RTN4: variants seen among roughly 807,000 people sequenced by gnomAD.
The protein encoded by RTN4 is reticulon 4, also known as reticulon-4.
Under a neutral mutation model 90.4 loss-of-function variants are expected in RTN4, and 32 were observed. The ratio of observed to expected loss-of-function variants is 0.35; its 90% CI spans 0.27 to 0.48. The LOEUF (loss-of-function observed/expected upper bound fraction) is 0.48, where lower values mean the gene tolerates loss of function less well. RTN4 is among the 20% of genes least tolerant of loss of function. The probability of loss-of-function intolerance (pLI) is 0.99; values close to 1 mark genes in which losing one functional copy is unlikely to be tolerated. For missense variants in RTN4, 1,706 were observed against 1,430.2 expected (o/e 1.19, Z -3.11); for synonymous variants, 629 against 552.5 (o/e 1.14, Z -1.94).
the RTN4 span, among the ~76,000 whole-genome samples, chr2:55,131,855 GC>G: frequency 3.9e-5 from 6 of 152,196 alleles, no homozygotes; most frequent in Admixed American, 2.0e-4. Context: ...TTGCACTCCA[GC>G]CTGGGCAACA....
intron 1 of RTN4, among the ~76,000 whole-genome samples, chr2:55,032,043 T>C (rs928315163): frequency 1.3e-5 from 2 of 150,396 alleles, no homozygotes; most frequent in Non-Finnish European, 1.5e-5. Flanking sequence ...TAAGAAAGAA[T>C]AGCAAATATA....
chr2:55,058,788 A>T (rs1668236339), intron 2 of RTN4, among the ~76,000 whole-genome samples: 1 of 152,214 alleles, frequency 6.6e-6, no homozygotes, highest in African/African-American at 2.4e-5. Context: ...GTCACGTGGC[A>T]GCTCTGTTAG....
chr2:55,061,578 T>C lies in RTN4; in HGVS notation c.-63+18911A>G, dbSNP rs529467632. 2.6e-5 allele frequency among the ~76,000 whole-genome samples: 4 copies of C among 152,312 alleles called. No homozygotes were observed. In the East Asian group the frequency reaches 7.7e-4, roughly 29 times the overall value. ...TGAAATATATCAGTCCCTTTATTCA[T>C]GATACTGCAATGTTAAAGAGACAGA... is the stretch of plus-strand genomic sequence containing the variant. On this transcript the variant is annotated intron_variant, in intron 2 of 3. Transcript: ENST00000427710.
chr2:55,025,625 T>C lies in RTN4; in HGVS notation c.2474A>G (p.Lys825Arg). The change falls in exon 3 of 9, where the codon AAG (lysine) becomes AGG (arginine). Residue 825 changes from lysine (K) to arginine (R), a missense_variant. Physicochemically the swap from Lys to Arg is conservative, Grantham distance 26. Transcript: ENST00000337526. ...LPDEVSTLSK[K>R]EKIPLQMEEL... is the part of the protein sequence containing the mutation. ...CTCCATCTGCAAAGGAATTTTCTCC[T>C]TTTTGCTCAATGTTGAAACTTCATC... 1.2e-6 allele frequency: 2 copies of C among 1,613,652 alleles called. No individual in the cohort carries two copies. Among genetic ancestry groups the C allele is most frequent in the Admixed American group, 1.7e-5 (1 of 59,914 alleles).
In RTN4 at chr2:55,026,210, G is replaced by A. The variant is rs1681858256; in HGVS notation, c.1889C>T (p.Ser630Phe). 2 of 1,613,718 alleles carry A rather than the reference G, an allele frequency of 1.2e-6. No homozygotes were observed. Among genetic ancestry groups the A allele is most frequent in the Non-Finnish European group, 1.7e-6 (2 of 1,179,870 alleles). The change falls in exon 3 of 9, where the codon TCC becomes TTC. Residue 630 changes from serine to phenylalanine, a missense_variant. Transcript: ENST00000337526. ...TGGTGATGAGCTGGGCTGTATCACG[G>A]AAGCACCAGCACTAGGAACTGCAGA... ...LNSAVPSAGASVIQPSSSPLE... is the reference protein window; with the variant it reads ...LNSAVPSAGAFVIQPSSSPLE...
upstream of RTN4, among the ~76,000 whole-genome samples, chr2:55,114,415 C>G (rs1238885898): frequency 6.6e-6 from 1 of 152,160 alleles, no homozygotes; most frequent in Non-Finnish European, 1.5e-5. Flanking sequence ...TGATTAACTC[C>G]AGGCCGGGCG....
intron 1 of RTN4, among the ~76,000 whole-genome samples, chr2:55,040,066 T>C (rs62134853): frequency 0.034 from 5,150 of 152,256 alleles, 129 homozygotes; most frequent in Middle Eastern, 0.068. Context: ...TGATGTCTTA[T>C]AGCCCTAATC....
At chr2:54,989,911 G>T (rs776443022) in intron 3 of RTN4, among the ~76,000 whole-genome samples, 3 of 151,992 alleles carry the variant, frequency 2.0e-5, no homozygotes, top group Admixed American at 6.6e-5. Flanking sequence ...TATTAGGAGG[G>T]TACAGTGAGA....
At chr2:55,132,215 C>A in the RTN4 span, among the ~76,000 whole-genome samples, 2 of 152,130 alleles carry the variant, frequency 1.3e-5, no homozygotes, top group Admixed American at 1.3e-4. Flanking sequence ...GTGTTTGAAA[C>A]TTTTCGGCCA....
intron 1 of RTN4, among the ~76,000 whole-genome samples, chr2:55,042,240 T>A (rs922474483): frequency 6.6e-6 from 1 of 152,174 alleles, no homozygotes; most frequent in Non-Finnish European, 1.5e-5. Context: ...GCTACCAACA[T>A]TTTAAATGCA....
At chr2:55,134,668 G>A in the RTN4 span, among the ~76,000 whole-genome samples, 521 of 152,276 alleles carry the variant, frequency 3.4e-3, 6 homozygotes, top group African/African-American at 0.012. Context: ...AGCGGGAGGT[G>A]GGAGCTTACA....
the RTN4 span, among the ~76,000 whole-genome samples, chr2:55,134,473 C>T: frequency 6.6e-6 from 1 of 152,196 alleles, no homozygotes; most frequent in African/African-American, 2.4e-5. Context: ...CAGACTCACT[C>T]CATCTCTCAG....
chr2:55,084,298 C>G (rs966483349), intron 1 of RTN4, among the ~76,000 whole-genome samples: 2 of 144,824 alleles, frequency 1.4e-5, no homozygotes, highest in Non-Finnish European at 1.5e-5. Flanking sequence ...TTGCATCCCC[C>G]CTGCCTTTTT....
intron 3 of RTN4, among the ~76,000 whole-genome samples, chr2:55,012,989 A>G (rs889843480): frequency 3.9e-5 from 6 of 152,206 alleles, no homozygotes; most frequent in Non-Finnish European, 8.8e-5. Flanking sequence ...AACTTTTAAA[A>G]AAATTAATTC....
At chr2:55,103,601 C>T (rs1009440137) in intron 1 of RTN4, among the ~76,000 whole-genome samples, 2 of 151,972 alleles carry the variant, frequency 1.3e-5, no homozygotes, top group African/African-American at 4.8e-5. Flanking sequence ...ATATACTTAT[C>T]CTTAAACCCA....
At chr2:55,046,862 G>A (rs1174819613) in intron 1 of RTN4, 2 of 152,048 alleles carry the variant, frequency 1.3e-5, no homozygotes, top group African/African-American at 4.8e-5. Context: ...ATGGAATTAG[G>A]GAACTCTGTA....
At chr2:55,065,857 G>A (rs1002017040) in intron 2 of RTN4, among the ~76,000 whole-genome samples, 1 of 152,200 alleles carries the variant, frequency 6.6e-6, no homozygotes, top group Non-Finnish European at 1.5e-5. Context: ...ATAGGGCCTT[G>A]TGGGATGCTG....
chr2:55,127,457 T>C, the RTN4 span, among the ~76,000 whole-genome samples: 5 of 152,244 alleles, frequency 3.3e-5, no homozygotes, highest in Non-Finnish European at 7.3e-5. Flanking sequence ...TCTTGTCCTG[T>C]TTTATGTTTC....
At chr2:55,021,826 T>G (rs916472719) in intron 3 of RTN4, among the ~76,000 whole-genome samples, 9 of 152,220 alleles carry the variant, frequency 5.9e-5, no homozygotes, top group African/African-American at 2.2e-4. Context: ...CTGGGTTTCC[T>G]TCCCACAACT....
Sources: allele counts gnomAD v4.1 joint callset (sites outside exome capture counted in the v4.1 genomes callset), GRCh38; gene constraint gnomAD v4.1.1; transcripts MANE v1.5; gene names NCBI Gene and HGNC (gene_info 2026-07-23, HGNC 2026-07-21).